The following TLN2 variants were observed in gnomAD, a reference collection of about 807,000 sequenced individuals.
TLN2 encodes talin-2.
TLN2 carries 118 observed loss-of-function variants against 294.7 expected under a neutral mutation model. The ratio of observed to expected loss-of-function variants is 0.40; its 90% CI spans 0.34 to 0.47. The LOEUF (loss-of-function observed/expected upper bound fraction) is 0.47, where lower values mean the gene tolerates loss of function less well. TLN2 is among the 20% of genes least tolerant of loss of function. The pLI, the probability that TLN2 is intolerant of heterozygous loss-of-function variation, is 0.84. For missense variants in TLN2, 3,083 were observed against 3,282.2 expected (o/e 0.94, Z 1.48); for synonymous variants, 1,431 against 1,304.5 (o/e 1.10, Z -2.09).
rs115216263 is a variant in TLN2, at chr15:62,448,118, C to T, written c.-238+57433C>T. On this transcript the variant is annotated intron_variant, in intron 1 of 58. Transcript: ENST00000636159. ...GGAGACGAACTTGGAGCAGAAGCAG[C>T]ATGGCTCTGACTGGGCCCAGGGAGC... 5.2e-3 allele frequency among the ~76,000 whole-genome samples: 786 copies of T among 152,300 alleles called. 7 individuals are homozygous for T. The highest frequency in any genetic ancestry group is 0.018 in the African/African-American group (742 of 41,556).
At chr15:62,540,322 G>A (rs1401570296) in intron 1 of TLN2, among the ~76,000 whole-genome samples, 2 of 151,796 alleles carry the variant, frequency 1.3e-5, no homozygotes, top group Non-Finnish European at 2.9e-5. Context: ...CCTGGGTGAC[G>A]GAGTGAGACG....
At chr15:62,644,716 C>A in intron 3 of TLN2, 1 of 390,336 alleles carries the variant, frequency 2.6e-6, no homozygotes. Context: ...TTGGTGCTTT[C>A]TCCTTGCTCC....
intron 32 of TLN2, among the ~76,000 whole-genome samples, chr15:62,743,517 G>A (rs1312061019): frequency 1.3e-5 from 2 of 152,122 alleles, no homozygotes; most frequent in Non-Finnish European, 2.9e-5. Flanking sequence ...GCCTAGGGGA[G>A]AGGAAGTCAT....
At chr15:62,462,905 G>A (rs956026801) in intron 1 of TLN2, among the ~76,000 whole-genome samples, 3 of 152,128 alleles carry the variant, frequency 2.0e-5, no homozygotes, top group Non-Finnish European at 2.9e-5. Flanking sequence ...TCTCCTGACC[G>A]CACAGCTGCC....
In TLN2 at chr15:62,702,096, A is replaced by G. The variant is rs1274492539; in HGVS notation, c.1801A>G (p.Met601Val). Residue 601 changes from methionine to valine, a missense_variant, in exon 18 of 59, where the codon ATG becomes GTG. Transcript: ENST00000636159. ...SKGVKLLAALMDDEVGSGEDL... is the reference protein window; with the variant it reads ...SKGVKLLAALVDDEVGSGEDL... ...GGGTGTGAAGCTATTGGCCGCCCTC[A>G]TGGATGATGAGGTGGGCAGCGGGGA... The G allele has an allele frequency of 1.2e-6, 2 of 1,614,200 alleles. No individual in the cohort carries two copies. Among genetic ancestry groups the G allele is most frequent in the South Asian group, 1.1e-5 (1 of 91,082 alleles).
chr15:62,588,012 C>A (rs1299299199), intron 1 of TLN2, among the ~76,000 whole-genome samples: 4 of 151,948 alleles, frequency 2.6e-5, no homozygotes, highest in African/African-American at 9.7e-5. Flanking sequence ...CCCACAGTAG[C>A]TGGGACTACA....
chr15:62,641,058 T>C (rs1251158777), intron 3 of TLN2, among the ~76,000 whole-genome samples: 2 of 151,610 alleles, frequency 1.3e-5, no homozygotes, highest in Non-Finnish European at 2.9e-5. Flanking sequence ...CACCTCAGCC[T>C]CCCAAAGTAC....
At chr15:62,544,961 G>A (rs141204228) in intron 1 of TLN2, among the ~76,000 whole-genome samples, 2,032 of 151,378 alleles carry the variant, frequency 0.013, 18 homozygotes, top group Middle Eastern at 0.038. Context: ...ACGGAGTCTC[G>A]CTCTGTCGCC....
chr15:62,489,473 A>G (rs1169066483), intron 1 of TLN2, among the ~76,000 whole-genome samples: 1 of 152,170 alleles, frequency 6.6e-6, no homozygotes, highest in Non-Finnish European at 1.5e-5. Flanking sequence ...ACCATTAGTA[A>G]TTGGTGAACT....
Position 62,724,996 on chromosome 15 carries a change from G to C in TLN2, c.3147G>C (p.Pro1049=). ...GGCAGGCCCATGAAGCTTGTGGTCCGATGGAAATCGATTCAGCTCTGAATA... is the reference window on the plus strand; with the variant it reads ...GGCAGGCCCATGAAGCTTGTGGTCCCATGGAAATCGATTCAGCTCTGAATA... The part of the protein sequence containing the change: ...ASQKAHEACG[P]MEIDSALNTV... The change falls in exon 27 of 59, where the codon CCG becomes CCC. Residue 1049 remains proline (P), a synonymous_variant. Transcript: ENST00000636159. 5 of 1,612,382 alleles carry C rather than the reference G, an allele frequency of 3.1e-6. No individual in the cohort carries two copies. The African/African-American group carries it at 5.3e-5, about 17-fold the overall frequency.
chr15:62,825,789 T>TATATTATATATATATTATATTA lies in TLN2; in HGVS notation c.7002+5179_7002+5180insATATTATATATATATTATATTA, dbSNP rs1491491748. Among the ~76,000 whole-genome samples, 265 of 83,546 alleles carry TATATTATATATATATTATATTA rather than the reference T, an allele frequency of 3.2e-3. 23 individuals carry two copies. Among genetic ancestry groups the TATATTATATATATATTATATTA allele is most frequent in the African/African-American group, 0.019 (257 of 13,818 alleles). 54.8% of individuals were successfully genotyped at this position (83,546 alleles called of 152,430 possible). A position where few individuals can be genotyped will look rare whatever the true frequency, so the allele number is the denominator to read the frequency against. On this transcript the variant is annotated intron_variant, in intron 54 of 58. Transcript: ENST00000636159. ...TATATATTATATAATATATTATATATTATAATATATATTATATATTATATT... is the reference window on the plus strand; with the variant it reads ...TATATATTATATAATATATTATATATATATTATATATATATTATATTATATAATATATATTATATATTATATT...
At chr15:62,450,977 T>TC (rs930021148) in intron 1 of TLN2, among the ~76,000 whole-genome samples, 15 of 124,142 alleles carry the variant, frequency 1.2e-4, no homozygotes, top group African/African-American at 6.4e-4. Flanking sequence ...GTTCTCTCTC[T>TC]TTTTTTTTTT....
intron 1 of TLN2, among the ~76,000 whole-genome samples, chr15:62,419,674 G>C (rs1042752521): frequency 2.0e-5 from 3 of 151,664 alleles, no homozygotes; most frequent in Non-Finnish European, 2.9e-5. Context: ...GATGGGGACA[G>C]TCTTCCTCTG....
chr15:62,633,982 G>C (rs183873718), intron 3 of TLN2, among the ~76,000 whole-genome samples: 7 of 152,222 alleles, frequency 4.6e-5, no homozygotes, highest in Admixed American at 4.6e-4. Context: ...CTGTGTATCT[G>C]TGTCCAAATT....
Position 62,755,538 on chromosome 15 carries a change from T to TCAGCCGC in TLN2, c.4486_4492dup (p.Thr1498SerfsTer59). 1 of 1,614,132 alleles carries TCAGCCGC rather than the reference T, an allele frequency of 6.2e-7. No individual in the cohort carries two copies. The highest frequency in any genetic ancestry group is 8.5e-7 in the Non-Finnish European group (1 of 1,179,976). Reference sequence around the variant, plus strand: ...CTAGCTCCATGCTTTGTAGGTCCTGTCAGCCGCCACAATTGTTGCCAAGCA... The same window carrying TCAGCCGC: ...CTAGCTCCATGCTTTGTAGGTCCTGTCAGCCGCCAGCCGCCACAATTGTTGCCAAGCA... On this transcript the variant is annotated frameshift_variant, in exon 37 of 59. Transcript: ENST00000636159. LOFTEE classifies it high-confidence loss of function.
At chr15:62,762,591 A>T in intron 39 of TLN2, 138 bp downstream of exon 39, 2 of 947,080 alleles carry the variant, frequency 2.1e-6, no homozygotes, top group Non-Finnish European at 3.1e-6. Context: ...GGCCGGAAGC[A>T]CTGGTCACAA....
At chr15:62,719,130 G>C (rs1234250258) in intron 24 of TLN2, among the ~76,000 whole-genome samples, 1 of 152,186 alleles carries the variant, frequency 6.6e-6, no homozygotes, top group Non-Finnish European at 1.5e-5. Flanking sequence ...AACAGGGACA[G>C]AACACAGAGA....
In TLN2 at chr15:62,840,598, A is replaced by C; in HGVS notation, c.7617A>C (p.Glu2539Asp). 6.2e-7 allele frequency: 1 copy of C among 1,614,112 alleles called. No individual in the cohort carries two copies. The highest frequency in any genetic ancestry group is 2.2e-5 in the East Asian group (1 of 44,870). ...QYKFLPTELR[E>D]DEG is the part of the protein sequence containing the mutation. Reference sequence around the variant, plus strand: ...AGTTTTTACCCACCGAGCTGAGGGAAGATGAGGGCTAAAGGTGCGAGCCCA... The same window carrying C: ...AGTTTTTACCCACCGAGCTGAGGGACGATGAGGGCTAAAGGTGCGAGCCCA... The change falls in exon 59 of 59, where the codon GAA (glutamate) becomes GAC (aspartate). Residue 2539 changes from glutamate to aspartate, a missense_variant. Coordinates refer to ENST00000636159, the MANE Select transcript of TLN2 (RefSeq NM_015059.3).
At chr15:62,441,738 G>A (rs1181147204) in intron 1 of TLN2, among the ~76,000 whole-genome samples, 1 of 152,180 alleles carries the variant, frequency 6.6e-6, no homozygotes, top group African/African-American at 2.4e-5. Flanking sequence ...GAAAGGGAGA[G>A]GGGCCAGAGG....
Sources: allele counts gnomAD v4.1 joint callset (sites outside exome capture counted in the v4.1 genomes callset), GRCh38; gene constraint gnomAD v4.1.1; transcripts MANE v1.5; gene names NCBI Gene and HGNC (gene_info 2026-07-23, HGNC 2026-07-21).